RNGTT: variants seen among roughly 807,000 people sequenced by gnomAD.
RNGTT encodes RNA guanylyltransferase and 5'-phosphatase.
RNGTT carries 33 observed loss-of-function variants against 79.3 expected under a neutral mutation model. The ratio of observed to expected loss-of-function variants is 0.42; its 90% CI spans 0.32 to 0.56. RNGTT has a LOEUF of 0.56. RNGTT is among the 20% of genes least tolerant of loss of function. RNGTT has a pLI of 0.17. For missense variants in RNGTT, 497 were observed against 739.1 expected, an observed-to-expected ratio of 0.67 and a Z score of 3.80; for synonymous variants, 222 against 235.9, an observed-to-expected ratio of 0.94 and a Z score of 0.54.
intron 12 of RNGTT, among the ~76,000 whole-genome samples, chr6:88,791,970 C>T (rs1027954533): frequency 6.6e-6 from 1 of 152,020 alleles, no homozygotes; most frequent in Admixed American, 6.6e-5. Flanking sequence ...TGATACTATT[C>T]GAGAAAACGG....
chr6:88,830,396 G>A (rs1052849740), intron 11 of RNGTT, among the ~76,000 whole-genome samples: 3 of 152,094 alleles, frequency 2.0e-5, no homozygotes, highest in Non-Finnish European at 4.4e-5. Flanking sequence ...AAGACACAAC[G>A]TACCAGAATC....
chr6:88,649,590 G>A lies in RNGTT; in HGVS notation c.1506+28763C>T, dbSNP rs1229423614. ...CGGGCACCTGTAGTCCCAGCTACTC[G>A]GGAGGCTGAGGCAGGAGAATGGCGT... On this transcript the variant is annotated intron_variant, in intron 14 of 15. Transcript: ENST00000369485. 4.6e-5 allele frequency among the ~76,000 whole-genome samples: 7 copies of A among 151,976 alleles called. No individual in the cohort carries two copies. In the South Asian group the frequency reaches 6.2e-4, roughly 14 times the overall value.
chr6:88,739,914 A>T (rs544617534), intron 13 of RNGTT, among the ~76,000 whole-genome samples: 1 of 151,732 alleles, frequency 6.6e-6, no homozygotes, highest in African/African-American at 2.4e-5. Context: ...AGCAGAATTA[A>T]TTTTTTAAAG....
At chr6:88,807,779 G>T (rs1780007412) in intron 11 of RNGTT, among the ~76,000 whole-genome samples, 1 of 152,028 alleles carries the variant, frequency 6.6e-6, no homozygotes, top group African/African-American at 2.4e-5. Context: ...AAAAATGTAG[G>T]TTTATCATAG....
At chr6:88,766,519 G>A (rs1778467694) in intron 13 of RNGTT, among the ~76,000 whole-genome samples, 2 of 151,926 alleles carry the variant, frequency 1.3e-5, no homozygotes, top group African/African-American at 4.8e-5. Context: ...AGTTATATTA[G>A]GCCATGATAA....
intron 8 of RNGTT, among the ~76,000 whole-genome samples, chr6:88,854,604 T>C (rs1562287018): frequency 6.6e-6 from 1 of 152,308 alleles, no homozygotes; most frequent in Non-Finnish European, 1.5e-5. Context: ...TTTGAATCAA[T>C]ATCATGATAT....
At chr6:88,949,174 A>AAAG (rs1554167153) in intron 1 of RNGTT, among the ~76,000 whole-genome samples, 8 of 140,942 alleles carry the variant, frequency 5.7e-5, no homozygotes, top group South Asian at 2.1e-4. Context: ...AAAAAAAAAA[A>AAAG]AAAAGAAAAT....
At chr6:88,940,848 T>A (rs1486606232) in intron 2 of RNGTT, among the ~76,000 whole-genome samples, 4 of 152,180 alleles carry the variant, frequency 2.6e-5, no homozygotes, top group African/African-American at 9.7e-5. Context: ...CAGTACTGTA[T>A]CAATGTCAAT....
rs554645355 is a variant in RNGTT at position 88,956,184 on chromosome 6, C to T, written c.64+7162G>A. On this transcript the variant is annotated intron_variant, in intron 1 of 15. Coordinates refer to ENST00000369485, the MANE Select transcript of RNGTT (RefSeq NM_003800.5). The stretch of plus-strand genomic sequence containing the variant: ...ACAGGAGATATTACAACCGATACAA[C>T]AAAAATATAAAAGATCATTCAATAG... 2.2e-3 allele frequency among the ~76,000 whole-genome samples: 326 copies of T among 148,410 alleles called. 1 individual carries two copies. Among genetic ancestry groups the T allele is most frequent in the Middle Eastern group, 7.1e-3 (2 of 280 alleles).
chr6:88,612,221 C>A lies in RNGTT; in HGVS notation c.*498G>T, dbSNP rs1487033244. The stretch of plus-strand genomic sequence containing the variant: ...CAACCCTGTCATTTGTTTTTGAATA[C>A]AGGGATCTCAGAAATGTAGGAAATC... On this transcript the variant is annotated 3_prime_UTR_variant, in exon 16 of 16. Transcript: ENST00000369485. 1 of 152,910 alleles carries A rather than the reference C, an allele frequency of 6.5e-6. No homozygotes were observed. The highest frequency in any genetic ancestry group is 2.4e-5 in the African/African-American group (1 of 41,424). The allele number at this position is 152,910 out of a possible 1,614,324, so 9.5% of individuals were successfully genotyped here.
intron 11 of RNGTT, among the ~76,000 whole-genome samples, chr6:88,812,628 G>A (rs1166866489): frequency 6.6e-6 from 1 of 152,178 alleles, no homozygotes. Flanking sequence ...GTCTATACGT[G>A]CCAGGCCATA....
intron 13 of RNGTT, among the ~76,000 whole-genome samples, chr6:88,736,432 G>A (rs1287222057): frequency 4.6e-5 from 7 of 152,212 alleles, no homozygotes; most frequent in Non-Finnish European, 7.4e-5. Flanking sequence ...TGTAGAACTC[G>A]CAGTCAATGA....
intron 13 of RNGTT, among the ~76,000 whole-genome samples, chr6:88,742,974 C>G (rs775949916): frequency 2.8e-4 from 43 of 152,134 alleles, no homozygotes; most frequent in Non-Finnish European, 7.4e-5. Flanking sequence ...AGCAATGTCT[C>G]AGAAGAAATA....
chr6:88,949,160 A>AAAAAAAAAAAAAAAAAAAAAAAAATG (rs1562077168), intron 1 of RNGTT, among the ~76,000 whole-genome samples: 1 of 35,072 alleles, frequency 2.9e-5, no homozygotes, highest in African/African-American at 1.5e-4. Context: ...AAATAAAATG[A>AAAAAAAAAAAAAAAAAAAAAAAAATG]AAAAAAAAAA....
intron 13 of RNGTT, among the ~76,000 whole-genome samples, chr6:88,722,047 T>G (rs570222308): frequency 2.6e-5 from 4 of 151,712 alleles, no homozygotes; most frequent in Non-Finnish European, 5.9e-5. Flanking sequence ...CAAAAATATT[T>G]ATTAAATTAT....
intron 8 of RNGTT, among the ~76,000 whole-genome samples, chr6:88,861,418 G>A (rs1489310339): frequency 2.0e-5 from 3 of 152,080 alleles, no homozygotes; most frequent in Non-Finnish European, 4.4e-5. Context: ...TGGGGCTCAT[G>A]CACACTTTGC....
At chr6:88,700,641 T>C (rs574382087) in intron 13 of RNGTT, among the ~76,000 whole-genome samples, 1 of 152,206 alleles carries the variant, frequency 6.6e-6, no homozygotes, top group South Asian at 2.1e-4. Flanking sequence ...AGAGAGATGA[T>C]TCATAAATGG....
intron 13 of RNGTT, among the ~76,000 whole-genome samples, chr6:88,723,422 C>T (rs1356663026): frequency 6.6e-5 from 10 of 152,126 alleles, no homozygotes; most frequent in Non-Finnish European, 4.4e-5. Context: ...CTCTACAGCC[C>T]CTGCCTCTTT....
rs1185596740 is a variant in RNGTT at position 88,679,967 on chromosome 6, T to C, written c.1440-1548A>G. 2.0e-5 allele frequency among the ~76,000 whole-genome samples: 3 copies of C among 152,286 alleles called. No individual in the cohort carries two copies. In the East Asian group the frequency reaches 5.8e-4, roughly 29 times the overall value. On this transcript the variant is annotated intron_variant, in intron 13 of 15. Coordinates refer to ENST00000369485, the MANE Select transcript of RNGTT (RefSeq NM_003800.5). ...CTTCTCAGAGTCTCAACATTAAAAG[T>C]TAATGGCCTTTTAACATAATAGAAT...
Sources: allele counts gnomAD v4.1 joint callset (sites outside exome capture counted in the v4.1 genomes callset), GRCh38; gene constraint gnomAD v4.1.1; transcripts MANE v1.5; gene names NCBI Gene and HGNC (gene_info 2026-07-23, HGNC 2026-07-21).